Variants in WWOX observed in about 807,000 individuals in gnomAD.
WWOX encodes WW domain containing oxidoreductase.
In WWOX, 69 loss-of-function variants were observed where a neutral mutation model predicts 46.2. The observed-to-expected ratio is 1.49, with a 90% CI of 1.23 to 1.82. The LOEUF (loss-of-function observed/expected upper bound fraction) is 1.82. Among genes scored for constraint, WWOX ranks in the 40% most tolerant of loss-of-function variants. The probability of loss-of-function intolerance (pLI) is 0.00; values close to 1 mark genes in which losing one functional copy is unlikely to be tolerated. For missense variants in WWOX, 919 were observed against 542.6 expected (o/e 1.69, Z -6.89); for synonymous variants, 359 against 202.6 (o/e 1.77, Z -6.56).
At chr16:78,714,284 C>T (rs928301483) in intron 8 of WWOX, among the ~76,000 whole-genome samples, 14 of 152,002 alleles carry the variant, frequency 9.2e-5, no homozygotes, top group South Asian at 2.1e-4. Flanking sequence ...GCTGGGGAGG[C>T]CACACGATCA....
intron 8 of WWOX, among the ~76,000 whole-genome samples, chr16:78,853,885 T>C (rs1327111141): frequency 1.3e-5 from 2 of 152,192 alleles, no homozygotes; most frequent in Non-Finnish European, 2.9e-5. Context: ...GTCTGTCATA[T>C]GAAGATTCAG....
At chr16:78,580,895 G>C (rs1320572422) in intron 8 of WWOX, among the ~76,000 whole-genome samples, 1 of 152,164 alleles carries the variant, frequency 6.6e-6, no homozygotes, top group African/African-American at 2.4e-5. Flanking sequence ...TGCCCACCCA[G>C]GTGGTAATTT....
chr16:78,351,689 G>T (rs1485114604), intron 5 of WWOX, among the ~76,000 whole-genome samples: 1 of 152,136 alleles, frequency 6.6e-6, no homozygotes, highest in South Asian at 2.1e-4. Context: ...CAGAGTCTCG[G>T]TCTCTTGCCC....
intron 8 of WWOX, among the ~76,000 whole-genome samples, chr16:78,991,752 A>G (rs4888905): frequency 0.98 from 149,668 of 152,184 alleles, 73,665 homozygotes; most frequent in East Asian, 1. Flanking sequence ...ATGAAACAGG[A>G]AGGTGAGGGG....
At chr16:78,612,979 C>T (rs1237901249) in intron 8 of WWOX, among the ~76,000 whole-genome samples, 1 of 152,180 alleles carries the variant, frequency 6.6e-6, no homozygotes, top group Non-Finnish European at 1.5e-5. Flanking sequence ...TTCACCCTAC[C>T]TGTGGATCTA....
At chr16:79,204,357 A>G (rs1274493611) in intron 8 of WWOX, 1 of 152,142 alleles carries the variant, frequency 6.6e-6, no homozygotes. Context: ...ACAAGTGTGC[A>G]TGTAATGACC....
intron 8 of WWOX, among the ~76,000 whole-genome samples, chr16:78,588,957 T>C (rs560178958): frequency 2.0e-5 from 3 of 152,302 alleles, no homozygotes; most frequent in African/African-American, 7.2e-5. Flanking sequence ...CTCTACTGTT[T>C]AGCAGCCACT....
intron 8 of WWOX, among the ~76,000 whole-genome samples, chr16:78,979,331 A>G (rs1364522046): frequency 6.6e-6 from 1 of 152,080 alleles, no homozygotes; most frequent in Non-Finnish European, 1.5e-5. Flanking sequence ...TTTCTATCAT[A>G]TTAGTTAGGC....
chr16:79,160,814 G>A (rs569393206), intron 8 of WWOX, among the ~76,000 whole-genome samples: 32 of 152,270 alleles, frequency 2.1e-4, no homozygotes, highest in African/African-American at 7.7e-4. Flanking sequence ...TATATGTTCT[G>A]TGTATATGTA....
At chr16:78,900,939 G>A (rs1041667171) in intron 8 of WWOX, among the ~76,000 whole-genome samples, 3 of 151,710 alleles carry the variant, frequency 2.0e-5, no homozygotes, top group South Asian at 4.2e-4. Context: ...CTATTCCCAA[G>A]AAGAGCACTA....
At chr16:78,351,498 T>C (rs1391046928) in intron 5 of WWOX, among the ~76,000 whole-genome samples, 2 of 152,182 alleles carry the variant, frequency 1.3e-5, no homozygotes, top group Non-Finnish European at 2.9e-5. Flanking sequence ...AGGGGTGGTC[T>C]GCCCCTGTGC....
chr16:78,443,041 C>T (rs1007361971), intron 8 of WWOX, among the ~76,000 whole-genome samples: 16 of 147,698 alleles, frequency 1.1e-4, no homozygotes, highest in Non-Finnish European at 2.4e-4. Context: ...GAGGCTAAGG[C>T]AGGAGAATGG....
chr16:78,148,167 CA>C (rs2034273138), intron 4 of WWOX, among the ~76,000 whole-genome samples: 1 of 152,094 alleles, frequency 6.6e-6, no homozygotes, highest in Non-Finnish European at 1.5e-5. Context: ...TAAATTAATT[CA>C]TCAAAATAAA....
intron 8 of WWOX, among the ~76,000 whole-genome samples, chr16:78,620,530 A>G (rs1321068262): frequency 6.6e-6 from 1 of 152,142 alleles, no homozygotes; most frequent in African/African-American, 2.4e-5. Flanking sequence ...ACTAGACACT[A>G]GATAGTGGGT....
At chr16:78,621,476 C>T (rs1278896295) in intron 8 of WWOX, among the ~76,000 whole-genome samples, 1 of 151,906 alleles carries the variant, frequency 6.6e-6, no homozygotes, top group Non-Finnish European at 1.5e-5. Flanking sequence ...TGCATCTCTC[C>T]CTCTACTTAG....
At chr16:78,817,688 C>T (rs572835540) in intron 8 of WWOX, among the ~76,000 whole-genome samples, 53 of 152,214 alleles carry the variant, frequency 3.5e-4, no homozygotes, top group African/African-American at 1.2e-3. Context: ...TGGTGGCAAA[C>T]GGGCCCTGTC....
At chr16:79,147,722 C>T (rs1280535286) in intron 8 of WWOX, among the ~76,000 whole-genome samples, 1 of 152,168 alleles carries the variant, frequency 6.6e-6, no homozygotes, top group Non-Finnish European at 1.5e-5. Context: ...GATCTAGTTT[C>T]ACTATATCTT....
chr16:79,156,514 C>T (rs1281879718), intron 8 of WWOX, among the ~76,000 whole-genome samples: 1 of 152,092 alleles, frequency 6.6e-6, no homozygotes, highest in Admixed American at 6.5e-5. Context: ...TCAAATTTGC[C>T]ACACCAAGTA....
intron 5 of WWOX, among the ~76,000 whole-genome samples, chr16:78,383,937 A>C (rs977546906): frequency 6.6e-5 from 10 of 152,052 alleles, no homozygotes; most frequent in African/African-American, 2.2e-4. Flanking sequence ...TTTTCTTCTT[A>C]TTGATAGTGG....
Sources: gnomAD v4.1 joint callset for allele counts (sites outside exome capture counted in the v4.1 genomes callset) on GRCh38, gnomAD v4.1.1 for gene constraint, MANE v1.5 for transcripts, NCBI Gene and HGNC (gene_info 2026-07-23, HGNC 2026-07-21) for gene names.